ZNF99: variants seen among roughly 807,000 people sequenced by gnomAD.
ZNF99 encodes zinc finger protein ENSP00000375192.
ZNF99 carries 8 observed loss-of-function variants against 12.8 expected under a neutral mutation model. The observed-to-expected ratio is 0.62, with a 90% CI of 0.37 to 1.13. ZNF99 has a LOEUF of 1.13. ZNF99 is among the 50% of genes most tolerant of loss of function. The pLI, the probability that ZNF99 is intolerant of heterozygous loss-of-function variation, is 0.02. For missense variants in ZNF99, 1,007 were observed against 1,006.2 expected, an observed-to-expected ratio of 1.00 and a Z score of -0.01; for synonymous variants, 318 against 319.0, an observed-to-expected ratio of 1.00 and a Z score of 0.03.
chr19:22,766,950 G>A (rs1463760293), intron 3 of ZNF99, among the ~76,000 whole-genome samples: 6 of 151,768 alleles, frequency 4.0e-5, no homozygotes, highest in Non-Finnish European at 5.9e-5. Context: ...CATGCCTGGC[G>A]TAACTTTCTT....
At chr19:22,773,847 A>T (rs7258337) in intron 1 of ZNF99, 29,373 of 152,174 alleles carry the variant, frequency 0.19, 3,787 homozygotes, top group African/African-American at 0.37. Context: ...CACTCCAGTG[A>T]CACCTCAGAG....
At chr19:22,761,016 A>G (rs1973145410) in intron 3 of ZNF99, among the ~76,000 whole-genome samples, 1 of 152,044 alleles carries the variant, frequency 6.6e-6, no homozygotes, top group African/African-American at 2.4e-5. Flanking sequence ...AGACTGTAAC[A>G]GGTAGCTTTT....
Position 22,756,418 on chromosome 19 carries a change from T to A in ZNF99, c.*896A>T, listed in dbSNP as rs1319098925. The A allele has an allele frequency of 6.3e-7, 1 of 1,588,844 alleles. No homozygotes were observed. Among genetic ancestry groups the A allele is most frequent in the Non-Finnish European group, 8.6e-7 (1 of 1,169,256 alleles). On this transcript the variant is annotated 3_prime_UTR_variant, in exon 4 of 4. Coordinates refer to ENST00000596209, the MANE Select transcript of ZNF99 (RefSeq NM_001080409.3). ...GAATTATCTTATGTTTAGTAAGGTTTGAGGACTAAATGCTTTACCACACTC... is the reference window on the plus strand; with the variant it reads ...GAATTATCTTATGTTTAGTAAGGTTAGAGGACTAAATGCTTTACCACACTC...
In ZNF99 at chr19:22,758,976, T is replaced by C. The variant is rs781197036; in HGVS notation, c.933A>G (p.Lys311=). The change falls in exon 4 of 4, where the codon AAA becomes AAG. Residue 311 remains lysine (K), a synonymous_variant. Transcript: ENST00000596209. ...TGCCACATTCTTCGCATTTGTAGGG[T>C]TTCTCTCCAGTATGAATTGCTTTAT... is the stretch of plus-strand genomic sequence containing the variant. ...TRHKAIHTGE[K]PYKCEECGKA... The C allele has an allele frequency of 3.1e-6, 5 of 1,613,796 alleles. No homozygotes were observed. In the African/African-American group the frequency reaches 6.7e-5, roughly 22 times the overall value.
chr19:22,773,142 C>A (rs1034153819), intron 1 of ZNF99, among the ~76,000 whole-genome samples: 1 of 152,158 alleles, frequency 6.6e-6, no homozygotes, highest in Non-Finnish European at 1.5e-5. Flanking sequence ...ATTCTGCCTG[C>A]ATATTTAGGG....
intron 3 of ZNF99, among the ~76,000 whole-genome samples, chr19:22,767,307 G>T (rs1177582709): frequency 6.6e-6 from 1 of 151,954 alleles, no homozygotes; most frequent in Non-Finnish European, 1.5e-5. Flanking sequence ...TAATTAAAAG[G>T]AAAAGAAAGA....
At position 22,754,554 on chromosome 19, in the gene ZNF99, T is replaced by C. The variant is rs1196775448; in HGVS notation, c.*2760A>G. On this transcript the variant is annotated 3_prime_UTR_variant, in exon 4 of 4. Transcript: ENST00000596209. ...TGAGTTGAAGACCAGTTAAAGACTT[T>C]GTTACATTCTTCACATTTGTCGGGT... 4.7e-6 allele frequency: 2 copies of C among 425,734 alleles called. No individual in the cohort carries two copies. The allele number at this position is 425,734 out of a possible 1,614,324, so 26.4% of individuals were successfully genotyped here.
chr19:22,771,101 G>C (rs1044415856), intron 1 of ZNF99: 1 of 151,542 alleles, frequency 6.6e-6, no homozygotes, highest in African/African-American at 2.4e-5. Context: ...ACCACGCCTA[G>C]GTATTTTTTG....
intron 1 of ZNF99, among the ~76,000 whole-genome samples, chr19:22,782,661 CTTTTTTTT>C (rs71180598): frequency 1.2e-5 from 1 of 86,650 alleles, no homozygotes; most frequent in Non-Finnish European, 2.2e-5. Context: ...CGCACCTGGC[CTTTTTTTT>C]TTTTTTTTTT....
At chr19:22,765,394 G>A (rs559119966) in intron 3 of ZNF99, among the ~76,000 whole-genome samples, 1 of 151,902 alleles carries the variant, frequency 6.6e-6, no homozygotes, top group African/African-American at 2.4e-5. Flanking sequence ...TATACAGCTC[G>A]GGTGATGAGT....
Position 22,754,152 on chromosome 19 carries a change from A to C in ZNF99, c.*3162T>G, listed in dbSNP as rs1426325092. 2.2e-6 allele frequency: 1 copy of C among 453,026 alleles called. No individual in the cohort carries two copies. The highest frequency in any genetic ancestry group is 7.0e-5 in the East Asian group (1 of 14,330). The allele number at this position is 453,026 out of a possible 1,614,324, so 28.1% of individuals were successfully genotyped here. On this transcript the variant is annotated 3_prime_UTR_variant, in exon 4 of 4. Transcript: ENST00000596209. ...GAGGCCAAGGCGGGTGGATCACTTG[A>C]GGTCAGGAGTTCAAAACCAGCCTGG...
Position 22,759,323 on chromosome 19 carries a change from T to C in ZNF99, c.586A>G (p.Thr196Ala). 6.5e-7 allele frequency: 1 copy of C among 1,549,328 alleles called. No homozygotes were observed. The highest frequency in any genetic ancestry group is 1.2e-5 in the South Asian group (1 of 84,136). Reference sequence around the variant, plus strand: ...TCACATTTGTAGATATTCTCTCTAGTATGAATTCTCTTATGTTGAATTAAG... The same window carrying C: ...TCACATTTGTAGATATTCTCTCTAGCATGAATTCTCTTATGTTGAATTAAG... ...SHLIQHKRIH[T>A]RENIYKCEER... The change falls in exon 4 of 4, where the codon ACT becomes GCT. Residue 196 changes from threonine to alanine, a missense_variant. Coordinates refer to ENST00000596209, the MANE Select transcript of ZNF99 (RefSeq NM_001080409.3).
At position 22,752,380 on chromosome 19, in the gene ZNF99, T is replaced by C. The variant is rs1972980596; in HGVS notation, c.*4934A>G. On this transcript the variant is annotated 3_prime_UTR_variant, in exon 4 of 4. Coordinates refer to ENST00000596209, the MANE Select transcript of ZNF99 (RefSeq NM_001080409.3). Reference sequence around the variant, plus strand: ...ACCCTGACGTGATTATTACATATTTTATGCTGGTATCAAAATATGCTATAT... The same window carrying C: ...ACCCTGACGTGATTATTACATATTTCATGCTGGTATCAAAATATGCTATAT... 6.6e-6 allele frequency: 1 copy of C among 152,056 alleles called. No homozygotes were observed. Among genetic ancestry groups the C allele is most frequent in the Non-Finnish European group, 1.5e-5 (1 of 68,004 alleles). The allele number at this position is 152,056 out of a possible 1,614,324, so 9.4% of individuals were successfully genotyped here.
At chr19:22,759,970 C>G (rs190850657) in intron 3 of ZNF99, among the ~76,000 whole-genome samples, 36 of 152,320 alleles carry the variant, frequency 2.4e-4, no homozygotes, top group Admixed American at 8.5e-4. Flanking sequence ...CAACTCAGCT[C>G]TTCCTGCTCC....
chr19:22,761,589 G>A (rs533788162), intron 3 of ZNF99, among the ~76,000 whole-genome samples: 1 of 152,284 alleles, frequency 6.6e-6, no homozygotes, highest in South Asian at 2.1e-4. Context: ...CATCAAGACA[G>A]AAAGTCAACA....
intron 3 of ZNF99, 110 bp from the exon 4 acceptor site, chr19:22,759,792 A>G (rs2145144328): frequency 2.8e-6 from 2 of 724,796 alleles, no homozygotes; most frequent in East Asian, 3.0e-5. Flanking sequence ...ATGGCACAGC[A>G]AAATAAGACA....
chr19:22,768,338 T>C lies in ZNF99; in HGVS notation c.193A>G (p.Met65Val). Residue 65 changes from methionine (M) to valine (V), a missense_variant, in exon 3 of 4, where the codon ATG becomes GTG. By Grantham distance (21) the Met-to-Val change is conservative (BLOSUM62 1). Transcript: ENST00000596209. Reference protein sequence around the residue: ...CLKQGKEPWNMKRHEMVTKPP... With the variant: ...CLKQGKEPWNVKRHEMVTKPP... ...TTAGTTACCATCTCATGTCTCTTCA[T>C]ATTCCAAGGCTCTTTCCCTTGCTTC... 6.2e-7 allele frequency: 1 copy of C among 1,613,984 alleles called. No homozygotes were observed. The highest frequency in any genetic ancestry group is 8.5e-7 in the Non-Finnish European group (1 of 1,179,968).
At chr19:22,778,741 C>T (rs1339384508) in intron 1 of ZNF99, among the ~76,000 whole-genome samples, 1 of 152,160 alleles carries the variant, frequency 6.6e-6, no homozygotes, top group Non-Finnish European at 1.5e-5. Flanking sequence ...CACGGTGGCT[C>T]ACACCTGTAA....
Position 22,783,882 on chromosome 19 carries a change from C to A in ZNF99, c.3+132G>T, listed in dbSNP as rs1973418243. The A allele has an allele frequency of 1.3e-5, 16 of 1,235,268 alleles. 1 individual carries two copies. The highest frequency in any genetic ancestry group is 7.4e-5 in the African/African-American group (5 of 67,342). The allele number at this position is 1,235,268 out of a possible 1,614,324, so 76.5% of individuals were successfully genotyped here. A position where few individuals can be genotyped will look rare whatever the true frequency, so the allele number is the denominator to read the frequency against. On this transcript the variant is annotated intron_variant, in intron 1 of 3. Transcript: ENST00000596209. ...TCTTATGGCTGAAGGAGACTGAGGC[C>A]GAGCTGGGCAAGAGCTCGGGGCGCA...
Sources: gnomAD v4.1 joint callset for allele counts (sites outside exome capture counted in the v4.1 genomes callset) on GRCh38, gnomAD v4.1.1 for gene constraint, MANE v1.5 for transcripts, NCBI Gene and HGNC (gene_info 2026-07-23, HGNC 2026-07-21) for gene names.